Variants in CLIP2 observed in about 807,000 individuals in gnomAD.
CLIP2 encodes the protein CAP-Gly domain-containing linker protein 2.
Under a neutral mutation model 111.7 loss-of-function variants are expected in CLIP2, and 41 were observed. The observed-to-expected ratio is 0.37, with a 90% confidence interval of 0.29 to 0.48. CLIP2 has a LOEUF of 0.48. CLIP2 is among the 20% of genes least tolerant of loss of function. CLIP2 has a pLI of 0.99. For missense variants in CLIP2, 1,160 were observed against 1,422.1 expected, an observed-to-expected ratio of 0.82 and a Z score of 2.96; for synonymous variants, 660 against 644.2, an observed-to-expected ratio of 1.02 and a Z score of -0.37.
intron 3 of CLIP2, among the ~76,000 whole-genome samples, chr7:74,339,724 A>G (rs1396177691): frequency 2.0e-5 from 3 of 152,132 alleles, no homozygotes; most frequent in African/African-American, 7.2e-5. Flanking sequence ...GATATTATCT[A>G]TTGATCCAGC....
chr7:74,297,989 G>T (rs1554726294), intron 1 of CLIP2, among the ~76,000 whole-genome samples: 1 of 151,748 alleles, frequency 6.6e-6, no homozygotes, highest in Admixed American at 6.6e-5. Flanking sequence ...TATGGTCTGG[G>T]TGCTGTCCTA....
chr7:74,384,362 G>C (rs1554314461), intron 11 of CLIP2, among the ~76,000 whole-genome samples: 1 of 151,740 alleles, frequency 6.6e-6, no homozygotes, highest in African/African-American at 2.4e-5. Context: ...TAAGAACATA[G>C]ATATGCATGT....
At chr7:74,326,608 C>G (rs1453725528) in intron 2 of CLIP2, among the ~76,000 whole-genome samples, 3 of 151,256 alleles carry the variant, frequency 2.0e-5, no homozygotes, top group African/African-American at 7.3e-5. Flanking sequence ...CAGCTGCTCT[C>G]TAGTACACAC....
chr7:74,326,975 G>T (rs1789128962), intron 2 of CLIP2, among the ~76,000 whole-genome samples: 1 of 151,686 alleles, frequency 6.6e-6, no homozygotes, highest in Non-Finnish European at 1.5e-5. Flanking sequence ...CTGACACCCA[G>T]GCTGGAGTGC....
chr7:74,309,519 A>G (rs1484059637), intron 1 of CLIP2, among the ~76,000 whole-genome samples: 1 of 152,106 alleles, frequency 6.6e-6, no homozygotes, highest in African/African-American at 2.4e-5. Flanking sequence ...TTCATACAAT[A>G]TGGAGTCCTT....
intron 3 of CLIP2, among the ~76,000 whole-genome samples, chr7:74,349,504 A>ATT: frequency 7.3e-6 from 1 of 137,500 alleles, no homozygotes; most frequent in African/African-American, 2.6e-5. Flanking sequence ...ATATATATAT[A>ATT]TATATATGTA....
At chr7:74,331,261 A>G (rs1207284493) in intron 2 of CLIP2, among the ~76,000 whole-genome samples, 13 of 148,410 alleles carry the variant, frequency 8.8e-5, no homozygotes, top group Admixed American at 1.4e-4. Context: ...GAGCCCTGAG[A>G]AGGAGGCATA....
At chr7:74,339,626 A>C (rs1348325040) in intron 3 of CLIP2, among the ~76,000 whole-genome samples, 1 of 152,074 alleles carries the variant, frequency 6.6e-6, no homozygotes, top group Non-Finnish European at 1.5e-5. Context: ...TTTTAATCGT[A>C]CTTCAGTCAT....
chr7:74,351,407 C>T (rs554177662), intron 3 of CLIP2, among the ~76,000 whole-genome samples: 4 of 140,226 alleles, frequency 2.9e-5, no homozygotes, highest in African/African-American at 5.5e-5. Context: ...GCCGAGATCA[C>T]GCCACTGCAT....
chr7:74,317,787 T>C, intron 2 of CLIP2, 120 bp downstream of exon 2: 1 of 1,217,404 alleles, frequency 8.2e-7, no homozygotes, highest in South Asian at 2.8e-5. Flanking sequence ...ACGCTGAGTG[T>C]CATGAGCTCC....
intron 3 of CLIP2, among the ~76,000 whole-genome samples, chr7:74,345,513 A>T (rs1789776756): frequency 6.6e-6 from 1 of 151,864 alleles, no homozygotes. Context: ...TATTACAGTG[A>T]GTCCAGAAGT....
chr7:74,350,064 T>C (rs1429184267), intron 3 of CLIP2, among the ~76,000 whole-genome samples: 1 of 151,982 alleles, frequency 6.6e-6, no homozygotes, highest in African/African-American at 2.4e-5. Context: ...TGATGGTTAT[T>C]ATTTTTTGAA....
At chr7:74,346,373 C>T (rs1789796016) in intron 3 of CLIP2, among the ~76,000 whole-genome samples, 1 of 152,064 alleles carries the variant, frequency 6.6e-6, no homozygotes, top group South Asian at 2.1e-4. Flanking sequence ...AGTAACTGGC[C>T]GCATGTTGGC....
chr7:74,393,034 C>CTTT (rs532112634), intron 13 of CLIP2, among the ~76,000 whole-genome samples: 7 of 121,000 alleles, frequency 5.8e-5, no homozygotes, highest in South Asian at 2.8e-4. Flanking sequence ...TAAGCATTTG[C>CTTT]TTTTTTTTTT....
chr7:74,353,208 A>G (rs1470733428), intron 3 of CLIP2, among the ~76,000 whole-genome samples: 3 of 151,792 alleles, frequency 2.0e-5, no homozygotes, highest in Non-Finnish European at 2.9e-5. Context: ...AAGCTCTAGT[A>G]TATACTAGAC....
At chr7:74,357,002 A>G (rs1183590137) in intron 5 of CLIP2, among the ~76,000 whole-genome samples, 1 of 152,084 alleles carries the variant, frequency 6.6e-6, no homozygotes, top group Non-Finnish European at 1.5e-5. Context: ...CTTTCCCAGG[A>G]AAAAGTGGCC....
chr7:74,356,423 C>T lies in CLIP2; in HGVS notation c.817C>T (p.Pro273Ser). The T allele has an allele frequency of 6.2e-7, 1 of 1,614,158 alleles. No homozygotes were observed. The highest frequency in any genetic ancestry group is 8.5e-7 in the Non-Finnish European group (1 of 1,180,034). ...CTGCTTCCACAGGTACTTCCAGTGC[C>T]CACCCAAGTTTGGTCTCTTCGCGCC... is the stretch of plus-strand genomic sequence containing the variant. ...AVAGTRYFQCPPKFGLFAPIH... is the reference protein window; with the variant it reads ...AVAGTRYFQCSPKFGLFAPIH... The change falls in exon 5 of 17, where the codon CCA becomes TCA. Residue 273 changes from proline to serine, a missense_variant. Pro to Ser is a moderately conservative substitution (Grantham distance 74). Transcript: ENST00000223398.
intron 2 of CLIP2, among the ~76,000 whole-genome samples, chr7:74,325,420 G>A (rs1158334396): frequency 1.3e-5 from 2 of 152,132 alleles, no homozygotes; most frequent in East Asian, 1.9e-4. Context: ...TGCAGACAGG[G>A]TGGTCAGGGA....
chr7:74,382,590 G>A (rs1790977879), intron 11 of CLIP2, among the ~76,000 whole-genome samples: 1 of 151,156 alleles, frequency 6.6e-6, no homozygotes, highest in Non-Finnish European at 1.5e-5. Flanking sequence ...GGGATTACAG[G>A]CATGAGCCAC....
Sources: gnomAD v4.1 joint callset for allele counts (sites outside exome capture counted in the v4.1 genomes callset) on GRCh38, gnomAD v4.1.1 for gene constraint, MANE v1.5 for transcripts, NCBI Gene and HGNC (gene_info 2026-07-23, HGNC 2026-07-21) for gene names.